Variants in PFDN5 observed in about 807,000 individuals in gnomAD.
The protein encoded by PFDN5 is c-myc binding protein.
Under a neutral mutation model 21.5 loss-of-function variants are expected in PFDN5, and 13 were observed. The ratio of observed to expected loss-of-function variants is 0.60; its 90% CI spans 0.39 to 0.96. The LOEUF is 0.96. Ranked by LOEUF, PFDN5 falls within the 40% of genes least tolerant of loss-of-function variation. PFDN5 has a pLI of 0.00. For missense variants in PFDN5, 188 were observed against 186.2 expected (o/e 1.01, Z -0.06); for synonymous variants, 84 against 68.9 (o/e 1.22, Z -1.08).
chr12:53,296,324 T>G, intron 3 of PFDN5, 49 bp downstream of exon 3: 1 of 1,472,756 alleles, frequency 6.8e-7, no homozygotes, highest in South Asian at 1.2e-5. Flanking sequence ...CCTTTCTCCT[T>G]CACTCCCCCA....
intron 5 of PFDN5, 145 bp from the exon 6 acceptor site, chr12:53,299,124 A>G (rs1166922866): frequency 1.7e-5 from 8 of 472,624 alleles, no homozygotes; most frequent in Non-Finnish European, 2.7e-5. Flanking sequence ...TGACAAGAGC[A>G]GGATTCTGTC....
chr12:53,297,452 A>G lies in PFDN5; in HGVS notation c.208-398A>G, dbSNP rs1014449284. ...TCAGAAAGCAAAAAACAAACAAAAC[A>G]TTGACTTTGTCAGGAATTAGCTACT... On this transcript the variant is annotated intron_variant, in intron 3 of 5. Coordinates refer to ENST00000334478, the MANE Select transcript of PFDN5 (RefSeq NM_002624.4). 5 of 184,076 alleles carry G rather than the reference A, an allele frequency of 2.7e-5. No homozygotes were observed. The South Asian group carries it at 4.6e-4, about 17-fold the overall frequency. The allele number at this position is 184,076 out of a possible 1,614,324, so 11.4% of individuals were successfully genotyped here.
Position 53,297,919 on chromosome 12 carries a change from G to C in PFDN5, c.277G>C (p.Glu93Gln), listed in dbSNP as rs761374741. Residue 93 changes from glutamate to glutamine, a missense_variant, in exon 4 of 6, where the codon GAG becomes CAG. Physicochemically the swap from Glu to Gln is conservative, Grantham distance 29 (BLOSUM62 2). Transcript: ENST00000334478. ...CGATGTGGGAACTGGGTACTATGTA[G>C]AGAAGGTGAGTGAGAGCATGTGGAT... The part of the protein sequence containing the change: ...LIDVGTGYYV[E>Q]KTAEDAKDFF... The C allele has an allele frequency of 6.2e-7, 1 of 1,612,144 alleles. No homozygotes were observed. Among genetic ancestry groups the C allele is most frequent in the Non-Finnish European group, 8.5e-7 (1 of 1,178,252 alleles).
chr12:53,299,243 C>G (rs1230801144), intron 5 of PFDN5, 26 bp from the exon 6 acceptor site: 2 of 1,563,620 alleles, frequency 1.3e-6, no homozygotes, highest in Non-Finnish European at 1.8e-6. Context: ...TTGCTTCTAA[C>G]CTTTGACTCT....
chr12:53,296,931 G>A (rs1480935608), intron 3 of PFDN5: 1 of 154,062 alleles, frequency 6.5e-6, no homozygotes, highest in Non-Finnish European at 1.4e-5. Flanking sequence ...ATAGAAACAG[G>A]GAGCTTGGCT....
Position 53,295,867 on chromosome 12 carries a change from C to T in PFDN5, c.101C>T (p.Ala34Val). The T allele has an allele frequency of 6.2e-7, 1 of 1,609,002 alleles. No homozygotes were observed. Among genetic ancestry groups the T allele is most frequent in the African/African-American group, 1.3e-5 (1 of 74,938 alleles). Residue 34 changes from alanine (A) to valine (V), a missense_variant, in exon 2 of 6, where the codon GCT becomes GTT. By Grantham distance (64) the Ala-to-Val change is moderately conservative. Coordinates refer to ENST00000334478, the MANE Select transcript of PFDN5 (RefSeq NM_002624.4). ...QEVEFLSTSI[A>V]QLKVVQTKYV... ...GTGGAGTTCTTGTCCACGTCCATTG[C>T]TCAGCTCAAAGTGGTACAGACCAAG...
At chr12:53,295,996 C>A in intron 2 of PFDN5, 55 bp downstream of exon 2, 1 of 1,061,446 alleles carries the variant, frequency 9.4e-7, no homozygotes, top group Non-Finnish European at 1.5e-6. Context: ...TTCTCTCGTC[C>A]CACCTCCTAA....
chr12:53,296,462 G>A, intron 3 of PFDN5, 187 bp downstream of exon 3: 2 of 679,598 alleles, frequency 2.9e-6, no homozygotes, highest in Non-Finnish European at 2.6e-6. Flanking sequence ...AGGCTGGAGC[G>A]CAATGGTGAG....
intron 5 of PFDN5, 105 bp downstream of exon 5, chr12:53,298,255 T>C: frequency 1.4e-6 from 1 of 733,488 alleles, no homozygotes; most frequent in Non-Finnish European, 2.5e-6. Context: ...AAACTATGTC[T>C]TAGTTTCTCT....
In PFDN5 at chr12:53,295,846, A is replaced by G. The variant is rs762160373; in HGVS notation, c.80A>G (p.Glu27Gly). Reference protein sequence around the residue: ...MLKNQLDQEVEFLSTSIAQLK... With the variant: ...MLKNQLDQEVGFLSTSIAQLK... The stretch of plus-strand genomic sequence containing the variant: ...TATCCCGGTCCTCTGTAGGAAGTGG[A>G]GTTCTTGTCCACGTCCATTGCTCAG... The change falls in exon 2 of 6, where the codon GAG becomes GGG. Residue 27 changes from glutamate to glycine, a missense_variant. By Grantham distance (98) the Glu-to-Gly change is moderately conservative. Coordinates refer to ENST00000334478, the MANE Select transcript of PFDN5 (RefSeq NM_002624.4). 4 of 1,590,762 alleles carry G rather than the reference A, an allele frequency of 2.5e-6. No homozygotes were observed. In the South Asian group the frequency reaches 4.4e-5, roughly 18 times the overall value.
At position 53,299,411 on chromosome 12, in the gene PFDN5, C is replaced by T. The variant is rs568475240; in HGVS notation, c.*66C>T. The stretch of plus-strand genomic sequence containing the variant: ...GTGGCTTCCTGGTGATGGGAAGGGT[C>T]TTGTGTTTTAATGCCAATAAATGTG... On this transcript the variant is annotated 3_prime_UTR_variant, in exon 6 of 6. Transcript: ENST00000334478. 22 of 1,043,500 alleles carry T rather than the reference C, an allele frequency of 2.1e-5. No individual in the cohort carries two copies. The South Asian group carries it at 2.5e-4, about 12-fold the overall frequency. 64.6% of individuals were successfully genotyped at this position (1,043,500 alleles called of 1,614,324 possible). A position where few individuals can be genotyped will look rare whatever the true frequency, so the allele number is the denominator to read the frequency against.
At chr12:53,296,554 A>G in intron 3 of PFDN5, 1 of 528,258 alleles carries the variant, frequency 1.9e-6, no homozygotes, top group Non-Finnish European at 3.4e-6. Context: ...GACTTTAGGT[A>G]CGCGCCACCA....
rs998812911 is a variant in PFDN5, at chr12:53,296,147, ACTGT to A, written c.176-92_176-89del. 3.2e-5 allele frequency: 34 copies of A among 1,071,448 alleles called. No individual in the cohort carries two copies. In the African/African-American group the frequency reaches 4.8e-4, roughly 15 times the overall value. The allele number at this position is 1,071,448 out of a possible 1,614,324, so 66.4% of individuals were successfully genotyped here. A position where few individuals can be genotyped will look rare whatever the true frequency, so the allele number is the denominator to read the frequency against. On this transcript the variant is annotated intron_variant, in intron 2 of 5. Transcript: ENST00000334478. ...TTGCCCCTGTTTCCGTTCTTTTCAC[ACTGT>A]CTGTGGGTGCTGTGCCCTGTTGGAA...
In PFDN5 at chr12:53,295,609, G is replaced by A; in HGVS notation, c.42G>A (p.Gln14=). Residue 14 remains glutamine (Q), a synonymous_variant, in exon 1 of 6, where the codon CAG becomes CAA. Transcript: ENST00000334478. ...SINITELNLP[Q]LEMLKNQLDQ... Reference sequence around the variant, plus strand: ...ACATCACGGAGCTGAATCTGCCGCAGCTAGAAATGCTCAAGAACCAGCTGG... The same window carrying A: ...ACATCACGGAGCTGAATCTGCCGCAACTAGAAATGCTCAAGAACCAGCTGG... The A allele has an allele frequency of 1.2e-6, 2 of 1,614,158 alleles. No individual in the cohort carries two copies. The highest frequency in any genetic ancestry group is 1.7e-6 in the Non-Finnish European group (2 of 1,179,982).
At chr12:53,296,403 CCT>C (rs1944150726) in intron 3 of PFDN5, 128 bp downstream of exon 3, 1 of 641,906 alleles carries the variant, frequency 1.6e-6, no homozygotes, top group Non-Finnish European at 2.6e-6. Flanking sequence ...TTGAGGATAC[CCT>C]TTTTTTTTTT....
intron 5 of PFDN5, chr12:53,298,452 CA>C: frequency 3.7e-6 from 1 of 266,808 alleles, no homozygotes; most frequent in Non-Finnish European, 7.5e-6. Flanking sequence ...TAAATACCAG[CA>C]ATTATAACCC....
intron 3 of PFDN5, 157 bp from the exon 4 acceptor site, chr12:53,297,693 G>A (rs1271885802): frequency 3.2e-6 from 2 of 617,968 alleles, no homozygotes; most frequent in Non-Finnish European, 5.9e-6. Context: ...CTTTCCATTT[G>A]GAGTTATAGG....
At chr12:53,299,178 G>A (rs560543772) in intron 5 of PFDN5, 91 bp from the exon 6 acceptor site, 7 of 767,648 alleles carry the variant, frequency 9.1e-6, no homozygotes, top group Middle Eastern at 2.4e-4. Flanking sequence ...GTAGTTAGTC[G>A]GTCGCCTGTC....
intron 3 of PFDN5, chr12:53,296,568 C>T (rs1944154180): frequency 4.1e-6 from 2 of 483,218 alleles, no homozygotes; most frequent in Non-Finnish European, 7.5e-6. Flanking sequence ...GCCACCACGA[C>T]CGGCTAATTT....
Sources: gnomAD v4.1 joint callset for allele counts on GRCh38, gnomAD v4.1.1 for gene constraint, MANE v1.5 for transcripts, NCBI Gene and HGNC (gene_info 2026-07-23, HGNC 2026-07-21) for gene names.